The following STMN2 variants were observed in gnomAD, a reference collection of about 807,000 sequenced individuals.
STMN2 encodes the protein stathmin-2.
Under a neutral mutation model 24.1 loss-of-function variants are expected in STMN2, and 2 were observed. The observed-to-expected ratio is 0.08, with a 90% CI of 0.03 to 0.26. The LOEUF is 0.26. Ranked by LOEUF, STMN2 falls within the 10% of genes least tolerant of loss-of-function variation. The pLI is 1.00. For synonymous variants in STMN2, 83 were observed against 77.5 expected, an observed-to-expected ratio of 1.07 and a Z score of -0.37; for missense variants, 114 against 213.6, an observed-to-expected ratio of 0.53 and a Z score of 2.91.
In STMN2 at chr8:79,655,128, T is replaced by C. The variant is rs909883092; in HGVS notation, c.480+66T>C. The C allele has an allele frequency of 1.7e-5, 26 of 1,565,552 alleles. No individual in the cohort carries two copies. In the Admixed American group the frequency reaches 2.3e-4, roughly 14 times the overall value. On this transcript the variant is annotated intron_variant, in intron 4 of 4. Coordinates refer to ENST00000220876, the MANE Select transcript of STMN2 (RefSeq NM_007029.4). The stretch of plus-strand genomic sequence containing the variant: ...TGCAGCACAGCTGGGTGAACTTCCA[T>C]ATGCCTGAGCACAGAGACGAAGTCA...
chr8:79,627,581 C>T (rs1373221224), intron 1 of STMN2, among the ~76,000 whole-genome samples: 3 of 152,110 alleles, frequency 2.0e-5, no homozygotes, highest in Non-Finnish European at 2.9e-5. Flanking sequence ...ATAGACCTTG[C>T]ATGTAGCATG....
intron 1 of STMN2, among the ~76,000 whole-genome samples, chr8:79,623,810 T>G (rs958128900): frequency 6.6e-6 from 1 of 152,186 alleles, no homozygotes; most frequent in African/African-American, 2.4e-5. Context: ...CTAATGAGGT[T>G]CTGGAATGCA....
At chr8:79,630,971 C>T (rs1461482674) in intron 1 of STMN2, among the ~76,000 whole-genome samples, 1 of 152,144 alleles carries the variant, frequency 6.6e-6, no homozygotes, top group Non-Finnish European at 1.5e-5. Flanking sequence ...GAATAAAGCG[C>T]TTTCATTACT....
At chr8:79,643,168 T>A (rs1181837178) in intron 3 of STMN2, among the ~76,000 whole-genome samples, 6 of 145,288 alleles carry the variant, frequency 4.1e-5, no homozygotes, top group Non-Finnish European at 7.6e-5. Flanking sequence ...TATATATATA[T>A]AAAATACTAG....
intron 2 of STMN2, among the ~76,000 whole-genome samples, chr8:79,640,990 C>T (rs1810083651): frequency 6.6e-6 from 1 of 152,194 alleles, no homozygotes. Flanking sequence ...AAAGGGCCTA[C>T]AGCTACGATA....
At chr8:79,621,814 C>G (rs184595887) in intron 1 of STMN2, among the ~76,000 whole-genome samples, 2 of 152,304 alleles carry the variant, frequency 1.3e-5, no homozygotes, top group African/African-American at 4.8e-5. Context: ...TAGTCCATGT[C>G]TACCCCTTTC....
At chr8:79,613,373 C>A (rs1563431030) in intron 1 of STMN2, 1 of 985,338 alleles carries the variant, frequency 1.0e-6, no homozygotes, top group East Asian at 1.1e-4. Flanking sequence ...CCGCGCCCTG[C>A]GCTCCCCTCC....
chr8:79,639,278 G>A (rs1328340754), intron 2 of STMN2, among the ~76,000 whole-genome samples: 2 of 152,152 alleles, frequency 1.3e-5, no homozygotes, highest in Admixed American at 6.5e-5. Context: ...GTCATTCTGG[G>A]GCACTTGAAG....
intron 1 of STMN2, among the ~76,000 whole-genome samples, chr8:79,629,136 T>G (rs1453194708): frequency 6.6e-6 from 1 of 152,156 alleles, no homozygotes; most frequent in East Asian, 1.9e-4. Flanking sequence ...TGTAGAACAA[T>G]AGGACGATGC....
At chr8:79,641,356 T>C in intron 2 of STMN2, 22 bp from the exon 3 acceptor site, 1 of 1,608,402 alleles carries the variant, frequency 6.2e-7, no homozygotes, top group Non-Finnish European at 8.5e-7. Flanking sequence ...ATGCTTAACA[T>C]TCTCAAATGT....
intron 1 of STMN2, among the ~76,000 whole-genome samples, chr8:79,619,296 C>T (rs781695632): frequency 2.0e-5 from 3 of 151,982 alleles, no homozygotes; most frequent in Non-Finnish European, 4.4e-5. Context: ...AAACCTAGTC[C>T]CACAAATACT....
rs1016585489 is a variant in STMN2, at chr8:79,658,043, A to G, written c.480+2981A>G. 2.6e-5 allele frequency among the ~76,000 whole-genome samples: 4 copies of G among 152,336 alleles called. No homozygotes were observed. The South Asian group carries it at 8.3e-4, about 32-fold the overall frequency. On this transcript the variant is annotated intron_variant, in intron 4 of 4. Coordinates refer to ENST00000220876, the MANE Select transcript of STMN2 (RefSeq NM_007029.4). ...GGTGGCTCACACCTGTAATCCCAGC[A>G]CTTTGGGAGGCCAAGGCAAGAGAAT...
At chr8:79,650,045 G>C (rs1255283084) in intron 3 of STMN2, among the ~76,000 whole-genome samples, 1 of 152,152 alleles carries the variant, frequency 6.6e-6, no homozygotes, top group Non-Finnish European at 1.5e-5. Flanking sequence ...TCCCATAATA[G>C]CAAGATCGAG....
chr8:79,643,987 G>C (rs915779094), intron 3 of STMN2, among the ~76,000 whole-genome samples: 11 of 151,770 alleles, frequency 7.2e-5, no homozygotes, highest in Admixed American at 1.3e-4. Context: ...TAATGGTAGA[G>C]TTTTAATTAA....
chr8:79,626,114 T>C (rs1809648679), intron 1 of STMN2, among the ~76,000 whole-genome samples: 3 of 150,646 alleles, frequency 2.0e-5, no homozygotes, highest in South Asian at 2.2e-4. Flanking sequence ...TGTGGATAAA[T>C]AAACTCATGT....
intron 2 of STMN2, among the ~76,000 whole-genome samples, chr8:79,638,379 T>C (rs569733716): frequency 3.3e-4 from 50 of 152,338 alleles, no homozygotes; most frequent in African/African-American, 1.1e-3. Flanking sequence ...TTTATTTGCC[T>C]GCGTTCTCTT....
At chr8:79,651,698 C>T (rs1469303633) in intron 3 of STMN2, among the ~76,000 whole-genome samples, 1 of 152,206 alleles carries the variant, frequency 6.6e-6, no homozygotes, top group East Asian at 1.9e-4. Context: ...GAAAATGAAA[C>T]ATTAGGCAGT....
At chr8:79,624,917 T>G (rs1809615682) in intron 1 of STMN2, among the ~76,000 whole-genome samples, 1 of 152,234 alleles carries the variant, frequency 6.6e-6, no homozygotes, top group South Asian at 2.1e-4. Flanking sequence ...ATCATATCCC[T>G]TGTTATTTAT....
At chr8:79,620,659 T>C (rs879137401) in intron 1 of STMN2, among the ~76,000 whole-genome samples, 8 of 152,058 alleles carry the variant, frequency 5.3e-5, no homozygotes, top group Admixed American at 3.3e-4. Flanking sequence ...CCTACAATAT[T>C]ACAAGATAGT....
Sources: allele counts gnomAD v4.1 joint callset (sites outside exome capture counted in the v4.1 genomes callset), GRCh38; gene constraint gnomAD v4.1.1; transcripts MANE v1.5; gene names NCBI Gene and HGNC (gene_info 2026-07-23, HGNC 2026-07-21).